The following SCARA5 variants were observed in gnomAD, a reference collection of about 807,000 sequenced individuals.
SCARA5 encodes scavenger receptor class A, member 5 (putative).
SCARA5 carries 45 observed loss-of-function variants against 46.3 expected under a neutral mutation model. That is an observed-to-expected ratio of 0.97 (90% CI 0.76 to 1.24). The LOEUF is 1.24. Ranked by LOEUF, SCARA5 falls within the 50% of genes most tolerant of loss-of-function variation. SCARA5 has a pLI of 0.00. For missense variants in SCARA5, 680 were observed against 689.0 expected (o/e 0.99, Z 0.15); for synonymous variants, 333 against 306.5 (o/e 1.09, Z -0.90).
At position 27,957,146 on chromosome 8, in the gene SCARA5, C is replaced by T. The variant is rs532091043; in HGVS notation, c.241+9268G>A. 1.1e-3 allele frequency among the ~76,000 whole-genome samples: 175 copies of T among 152,282 alleles called. 1 individual carries two copies. The highest frequency in any genetic ancestry group is 2.2e-3 in the Non-Finnish European group (149 of 68,022). On this transcript the variant is annotated intron_variant, in intron 3 of 8. Coordinates refer to ENST00000354914, the MANE Select transcript of SCARA5 (RefSeq NM_173833.6). ...GAAGGGAGGGGTGGACTCAAGCCCA[C>T]TCCCTTTCTCTTTTTGCTTAAATAG...
At chr8:27,920,523 A>C (rs375992653) in intron 4 of SCARA5, among the ~76,000 whole-genome samples, 3 of 151,564 alleles carry the variant, frequency 2.0e-5, no homozygotes, top group African/African-American at 7.3e-5. Flanking sequence ...CTGAGGCAGG[A>C]GAATCGCTTG....
At chr8:27,895,673 C>G (rs2726965) in intron 7 of SCARA5, among the ~76,000 whole-genome samples, 123,444 of 152,168 alleles carry the variant, frequency 0.81, 50,928 homozygotes, top group East Asian at 1. Flanking sequence ...CACGCCAGGA[C>G]CACACCTGGG....
At chr8:27,911,428 C>T (rs1807373879) in intron 4 of SCARA5, among the ~76,000 whole-genome samples, 1 of 152,206 alleles carries the variant, frequency 6.6e-6, no homozygotes, top group South Asian at 2.1e-4. Context: ...TGTAGTGGCT[C>T]ATGCCCGTAA....
chr8:27,917,183 A>G (rs1807476635), intron 4 of SCARA5, among the ~76,000 whole-genome samples: 1 of 152,230 alleles, frequency 6.6e-6, no homozygotes, highest in African/African-American at 2.4e-5. Flanking sequence ...ACAGATGGAT[A>G]CACCCATCAA....
intron 2 of SCARA5, among the ~76,000 whole-genome samples, chr8:27,975,842 C>T (rs74954125): frequency 0.032 from 4,852 of 152,200 alleles, 265 homozygotes; most frequent in African/African-American, 0.11. Flanking sequence ...GGGCCAGATG[C>T]ACCCAAGCCT....
chr8:27,933,272 A>G (rs1027486197), intron 3 of SCARA5, among the ~76,000 whole-genome samples: 25 of 152,130 alleles, frequency 1.6e-4, no homozygotes, highest in Admixed American at 1.0e-3. Context: ...CTGTAATCCT[A>G]GCACTTTAGG....
At chr8:27,896,948 T>C (rs2726969) in intron 7 of SCARA5, among the ~76,000 whole-genome samples, 146,026 of 152,092 alleles carry the variant, frequency 0.96, 70,400 homozygotes, top group East Asian at 1. Context: ...AAAAATTAGC[T>C]GGGTGTGGTG....
chr8:27,977,988 G>GCAC (rs1483715095), intron 2 of SCARA5, among the ~76,000 whole-genome samples: 1 of 150,952 alleles, frequency 6.6e-6, no homozygotes, highest in Non-Finnish European at 1.5e-5. Context: ...TCACTAAAGT[G>GCAC]CACTAGTGTA....
At chr8:27,931,003 GCCTT>G (rs778208268) in intron 3 of SCARA5, among the ~76,000 whole-genome samples, 79 of 152,322 alleles carry the variant, frequency 5.2e-4, no homozygotes, top group Admixed American at 1.1e-3. Context: ...AAAGGGAGGG[GCCTT>G]CCTTCAGGTG....
intron 7 of SCARA5, among the ~76,000 whole-genome samples, chr8:27,900,054 C>T (rs951280015): frequency 1.3e-5 from 2 of 152,032 alleles, no homozygotes; most frequent in Non-Finnish European, 2.9e-5. Flanking sequence ...AGGAGAGTCA[C>T]TTGAACCCAG....
At position 27,933,927 on chromosome 8, in the gene SCARA5, A is replaced by G. The variant is rs539073282; in HGVS notation, c.242-11682T>C. Among the ~76,000 whole-genome samples, 16 of 152,338 alleles carry G rather than the reference A, an allele frequency of 1.1e-4. No individual in the cohort carries two copies. In the South Asian group the frequency reaches 2.5e-3, roughly 24 times the overall value. ...AAAAACCCAGAAATTGAATTGTAAG[A>G]ATTGGGTATGCATACGGATGGAGCT... On this transcript the variant is annotated intron_variant, in intron 3 of 8. Coordinates refer to ENST00000354914, the MANE Select transcript of SCARA5 (RefSeq NM_173833.6).
chr8:27,984,852 T>C (rs1192597444), intron 2 of SCARA5, among the ~76,000 whole-genome samples: 1 of 147,590 alleles, frequency 6.8e-6, no homozygotes, highest in South Asian at 2.2e-4. Flanking sequence ...TCCATCCAGC[T>C]ATCCATCCAT....
intron 2 of SCARA5, among the ~76,000 whole-genome samples, chr8:27,978,188 G>A (rs1367240327): frequency 6.9e-5 from 9 of 130,730 alleles, no homozygotes; most frequent in East Asian, 2.0e-4. Flanking sequence ...CACCACATCC[G>A]GCTAATTTTT....
At chr8:27,878,243 G>A (rs73668372) in intron 8 of SCARA5, among the ~76,000 whole-genome samples, 1 of 152,158 alleles carries the variant, frequency 6.6e-6, no homozygotes, top group African/African-American at 2.4e-5. Flanking sequence ...ATCCCAGGGG[G>A]CCCAGGCTGG....
intron 4 of SCARA5, among the ~76,000 whole-genome samples, chr8:27,913,425 C>A (rs1056116019): frequency 6.6e-6 from 1 of 152,184 alleles, no homozygotes; most frequent in East Asian, 1.9e-4. Context: ...CAGGATTTGA[C>A]TTTTTAGTGT....
intron 4 of SCARA5, among the ~76,000 whole-genome samples, chr8:27,911,458 G>A (rs1211960444): frequency 2.0e-5 from 3 of 152,202 alleles, no homozygotes; most frequent in South Asian, 2.1e-4. Context: ...TTGGGAGGCC[G>A]AGGAGGGTGG....
Position 27,988,031 on chromosome 8 carries a change from G to T in SCARA5, c.-15-401C>A, listed in dbSNP as rs377707756. On this transcript the variant is annotated intron_variant, in intron 1 of 8. Transcript: ENST00000354914. ...GCAGGCTCTGAGCCCTCAGAAGCCCGGGGCATGCCAGAGAGACTTGAGCTT... is the reference window on the plus strand; with the variant it reads ...GCAGGCTCTGAGCCCTCAGAAGCCCTGGGCATGCCAGAGAGACTTGAGCTT... Among the ~76,000 whole-genome samples the T allele has an allele frequency of 3.9e-5, 6 of 152,286 alleles. No individual in the cohort carries two copies. The East Asian group carries it at 9.7e-4, about 25-fold the overall frequency.
rs547894721 is a variant in SCARA5 at position 27,972,423 on chromosome 8, A to G, written c.113-5881T>C. On this transcript the variant is annotated intron_variant, in intron 2 of 8. Coordinates refer to ENST00000354914, the MANE Select transcript of SCARA5 (RefSeq NM_173833.6). ...TATCAGAGGCATCTTGAACACCACTATGCTGTATGTAGCCACATCCTGGGA... is the reference window on the plus strand; with the variant it reads ...TATCAGAGGCATCTTGAACACCACTGTGCTGTATGTAGCCACATCCTGGGA... Among the ~76,000 whole-genome samples the G allele has an allele frequency of 3.3e-5, 5 of 152,372 alleles. No homozygotes were observed. In the South Asian group the frequency reaches 1.0e-3, roughly 32 times the overall value.
chr8:27,873,216 C>T (rs1806668048), intron 8 of SCARA5, among the ~76,000 whole-genome samples: 8 of 152,176 alleles, frequency 5.3e-5, no homozygotes, highest in Admixed American at 5.2e-4. Context: ...GGTTCCCACG[C>T]CGCCCCTAAT....
Sources: allele counts gnomAD v4.1 joint callset (sites outside exome capture counted in the v4.1 genomes callset), GRCh38; gene constraint gnomAD v4.1.1; transcripts MANE v1.5; gene names NCBI Gene and HGNC (gene_info 2026-07-23, HGNC 2026-07-21).